The following DCC variants were observed in gnomAD, a reference collection of about 807,000 sequenced individuals.
The protein encoded by DCC is DCC netrin 1 receptor.
Under a neutral mutation model 172.5 loss-of-function variants are expected in DCC, and 58 were observed. That is an observed-to-expected ratio of 0.34 (90% confidence interval 0.27 to 0.42). The LOEUF (loss-of-function observed/expected upper bound fraction) is 0.42. Ranked by LOEUF, DCC falls within the 10% of genes least tolerant of loss-of-function variation. The pLI is 1.00. For missense variants in DCC, 1,740 were observed against 1,791.0 expected (o/e 0.97, Z 0.51); for synonymous variants, 709 against 644.5 (o/e 1.10, Z -1.52).
chr18:53,196,466 T>G (rs1228874887), intron 9 of DCC, among the ~76,000 whole-genome samples: 1 of 152,204 alleles, frequency 6.6e-6, no homozygotes, highest in African/African-American at 2.4e-5. Context: ...CTGAAAGACC[T>G]TATCTGGAGG....
chr18:52,725,739 A>G (rs959767479), intron 1 of DCC, among the ~76,000 whole-genome samples: 11 of 152,344 alleles, frequency 7.2e-5, no homozygotes, highest in Admixed American at 3.9e-4. Flanking sequence ...TAGCCAATAC[A>G]TATTACAGAG....
At chr18:53,145,542 ATGGT>A (rs75822722) in intron 7 of DCC, among the ~76,000 whole-genome samples, 36,481 of 151,872 alleles carry the variant, frequency 0.24, 5,857 homozygotes, top group African/African-American at 0.46. Flanking sequence ...ATCGACTCTG[ATGGT>A]TGGTGCCTTA....
At position 53,275,038 on chromosome 18, in the gene DCC, G is replaced by T. The variant is rs150279159; in HGVS notation, c.1912-30540G>T. Among the ~76,000 whole-genome samples, 13 of 152,168 alleles carry T rather than the reference G, an allele frequency of 8.5e-5. No homozygotes were observed. In the East Asian group the frequency reaches 2.5e-3, roughly 29 times the overall value. The stretch of plus-strand genomic sequence containing the variant: ...CCAACTACACTGAAAATTTTAAATT[G>T]TCAATCAATGCAAATAAAGATAATT... On this transcript the variant is annotated intron_variant, in intron 12 of 28. Transcript: ENST00000442544.
chr18:53,526,899 T>C lies in DCC; in HGVS notation c.4254+140T>C, dbSNP rs1266177633. 3 of 809,616 alleles carry C rather than the reference T, an allele frequency of 3.7e-6. No homozygotes were observed. In the African/African-American group the frequency reaches 5.1e-5, roughly 14 times the overall value. 50.2% of individuals were successfully genotyped at this position (809,616 alleles called of 1,614,324 possible). ...TTGTTCTTATTGTTGTTTGTTCCTTTGTTTTCCTGCACTTAAATATGAAGA... is the reference window on the plus strand; with the variant it reads ...TTGTTCTTATTGTTGTTTGTTCCTTCGTTTTCCTGCACTTAAATATGAAGA... On this transcript the variant is annotated intron_variant, in intron 28 of 28. Transcript: ENST00000442544.
chr18:52,788,944 T>G (rs1163125302), intron 2 of DCC, among the ~76,000 whole-genome samples: 1 of 152,168 alleles, frequency 6.6e-6, no homozygotes, highest in Non-Finnish European at 1.5e-5. Context: ...TATTTTGTAA[T>G]CAGCCCAACC....
intron 1 of DCC, among the ~76,000 whole-genome samples, chr18:52,551,927 A>G (rs2032786196): frequency 1.3e-5 from 2 of 152,094 alleles, no homozygotes; most frequent in Admixed American, 1.3e-4. Context: ...CTTTTGTTGT[A>G]TTGGAATATG....
At chr18:52,619,184 T>G (rs1233786029) in intron 1 of DCC, among the ~76,000 whole-genome samples, 1 of 152,202 alleles carries the variant, frequency 6.6e-6, no homozygotes, top group Non-Finnish European at 1.5e-5. Flanking sequence ...GTGATCCACC[T>G]GCCTCTGCTA....
intron 1 of DCC, among the ~76,000 whole-genome samples, chr18:52,590,493 G>T (rs549159762): frequency 6.6e-6 from 1 of 152,242 alleles, no homozygotes; most frequent in African/African-American, 2.4e-5. Flanking sequence ...CATGCTGATC[G>T]TAATTTGACA....
intron 25 of DCC, among the ~76,000 whole-genome samples, chr18:53,482,450 G>A (rs2045844310): frequency 6.6e-6 from 1 of 152,066 alleles, no homozygotes; most frequent in Admixed American, 6.6e-5. Context: ...ACTTGGAACT[G>A]CAGTGTAAGT....
At chr18:52,844,400 C>T (rs2038853584) in intron 2 of DCC, among the ~76,000 whole-genome samples, 1 of 152,124 alleles carries the variant, frequency 6.6e-6, no homozygotes, top group African/African-American at 2.4e-5. Context: ...GGTTAACCTC[C>T]ATTTAGGAAA....
intron 9 of DCC, among the ~76,000 whole-genome samples, chr18:53,202,489 A>T (rs535326136): frequency 6.6e-6 from 1 of 152,336 alleles, no homozygotes; most frequent in African/African-American, 2.4e-5. Flanking sequence ...TAGAGAAAGG[A>T]ATGCTGGAAT....
chr18:53,300,994 T>TTCTTCCTTTCTTTCTTTCTTTCTTTTC (rs1555649245), intron 12 of DCC, among the ~76,000 whole-genome samples: 2 of 134,610 alleles, frequency 1.5e-5, no homozygotes, highest in African/African-American at 5.7e-5. Flanking sequence ...TCTTTCTTTT[T>TTCTTCCTTTCTTTCTTTCTTTCTTTTC]TTTTCTTTTC....
intron 7 of DCC, among the ~76,000 whole-genome samples, chr18:53,149,393 G>A (rs1303116184): frequency 3.3e-5 from 5 of 152,126 alleles, no homozygotes; most frequent in East Asian, 3.9e-4. Context: ...TTTTAATGTG[G>A]AAATTAAGGC....
chr18:53,271,211 G>A (rs774563628), intron 12 of DCC, among the ~76,000 whole-genome samples: 12 of 152,122 alleles, frequency 7.9e-5, no homozygotes, highest in African/African-American at 2.9e-4. Flanking sequence ...TTGAAGGGAG[G>A]TTTCCTAAGT....
intron 5 of DCC, among the ~76,000 whole-genome samples, chr18:53,052,710 C>T (rs1350070226): frequency 2.0e-5 from 3 of 152,084 alleles, no homozygotes; most frequent in Admixed American, 6.6e-5. Flanking sequence ...CTGTCTCCTA[C>T]TCTTGTTTGT....
chr18:52,752,193 T>C lies in DCC; in HGVS notation c.231T>C (p.Asp77=), dbSNP rs112141078. The C allele has an allele frequency of 0.021, 34,285 of 1,614,086 alleles. 464 individuals carry two copies. Among genetic ancestry groups the C allele is most frequent in the Non-Finnish European group, 0.026 (30,727 of 1,180,016 alleles). Residue 77 remains aspartate, a synonymous_variant, in exon 2 of 29, where the codon GAT becomes GAC. Transcript: ENST00000442544. The part of the protein sequence containing the change: ...RGVPVIKWKK[D]GIHLALGMDE... ...TTCCAGTGATCAAGTGGAAGAAAGA[T>C]GGCATTCATCTGGCCTTGGGAATGG...
At chr18:52,716,765 T>C (rs1430193200) in intron 1 of DCC, among the ~76,000 whole-genome samples, 1 of 152,238 alleles carries the variant, frequency 6.6e-6, no homozygotes, top group Non-Finnish European at 1.5e-5. Context: ...GTCCTCCTTA[T>C]TTATGCATAT....
At chr18:52,545,729 A>G (rs2032593000) in intron 1 of DCC, among the ~76,000 whole-genome samples, 1 of 152,170 alleles carries the variant, frequency 6.6e-6, no homozygotes, top group Admixed American at 6.6e-5. Context: ...TGGGAAGATT[A>G]TTCATATCTT....
chr18:53,370,447 C>A (rs529797462), intron 15 of DCC, among the ~76,000 whole-genome samples: 14 of 151,754 alleles, frequency 9.2e-5, no homozygotes, highest in Admixed American at 1.3e-4. Context: ...TTTATCTCTG[C>A]TCTAGTCTTT....
Sources: gnomAD v4.1 joint callset for allele counts (sites outside exome capture counted in the v4.1 genomes callset) on GRCh38, gnomAD v4.1.1 for gene constraint, MANE v1.5 for transcripts, NCBI Gene and HGNC (gene_info 2026-07-23, HGNC 2026-07-21) for gene names.